The following ZNF596 variants were observed in gnomAD, a reference collection of about 807,000 sequenced individuals.
The protein encoded by ZNF596 is zinc finger protein 596.
ZNF596 carries 45 observed loss-of-function variants against 48.3 expected under a neutral mutation model. The observed-to-expected ratio is 0.93, with a 90% CI of 0.73 to 1.19. The LOEUF is 1.19. Among genes scored for constraint, ZNF596 ranks in the 50% most tolerant of loss-of-function variants. The probability of loss-of-function intolerance (pLI) is 0.00; values close to 1 mark genes in which losing one functional copy is unlikely to be tolerated. For missense variants in ZNF596, 848 were observed against 599.7 expected, an observed-to-expected ratio of 1.41 and a Z score of -4.32; for synonymous variants, 270 against 202.0, an observed-to-expected ratio of 1.34 and a Z score of -2.85.
rs1797067803 is a variant in ZNF596 at position 246,021 on chromosome 8, G to C, written c.1174G>C (p.Glu392Gln). The C allele has an allele frequency of 2.5e-6, 4 of 1,613,630 alleles. No homozygotes were observed. The highest frequency in any genetic ancestry group is 3.4e-6 in the Non-Finnish European group (4 of 1,179,902). ...AATTCACACTGGAGAGAAACCATAT[G>C]AGTGCCATGTATGTGGGAAAGCCTT... Reference protein sequence around the residue: ...ERIHTGEKPYECHVCGKAFTE... With the variant: ...ERIHTGEKPYQCHVCGKAFTE... The change falls in exon 6 of 6, where the codon GAG becomes CAG. Residue 392 changes from glutamate (E) to glutamine (Q), a missense_variant. Coordinates refer to ENST00000398612, the MANE Select transcript of ZNF596 (RefSeq NM_001042416.3).
chr8:232,444 ACCCAGCCACGCAGTT>A (rs1346303088), exon 1 of ZNF596: 3 of 251,128 alleles, frequency 1.2e-5, no homozygotes, highest in South Asian at 8.6e-5. Flanking sequence ...TTGTGGCCAA[ACCCAGCCACGCAGTT>A]CCCTTCCTGC....
At chr8:244,752 T>A in intron 5 of ZNF596, 51 bp downstream of exon 5, 2 of 1,492,106 alleles carry the variant, frequency 1.3e-6, no homozygotes, top group Non-Finnish European at 1.8e-6. Flanking sequence ...ACCTGGACAT[T>A]AAACAACTTT....
intron 1 of ZNF596, among the ~76,000 whole-genome samples, chr8:236,596 A>G (rs1368370989): frequency 6.6e-6 from 1 of 152,128 alleles, no homozygotes; most frequent in Non-Finnish European, 1.5e-5. Flanking sequence ...ATTTTTAAAG[A>G]TTTTATATTA....
intron 2 of ZNF596, among the ~76,000 whole-genome samples, chr8:241,967 T>C (rs1437830136): frequency 6.6e-6 from 1 of 152,156 alleles, no homozygotes; most frequent in Non-Finnish European, 1.5e-5. Context: ...TCTGAGATAT[T>C]ACTAGCATGA....
chr8:245,484 C>G lies in ZNF596; in HGVS notation c.637C>G (p.His213Asp), dbSNP rs1797031773. The change falls in exon 6 of 6, where the codon CAT (histidine) becomes GAT (aspartate). Residue 213 changes from histidine (H) to aspartate (D), a missense_variant. His to Asp is a moderately conservative substitution (Grantham distance 81). Coordinates refer to ENST00000398612, the MANE Select transcript of ZNF596 (RefSeq NM_001042416.3). Reference protein sequence around the residue: ...TFSKNSNLRRHEMIHTGEKPH... With the variant: ...TFSKNSNLRRDEMIHTGEKPH... Reference sequence around the variant, plus strand: ...TAGCAAAAATTCTAATCTTAGGCGACATGAGATGATTCACACTGGAGAGAA... The same window carrying G: ...TAGCAAAAATTCTAATCTTAGGCGAGATGAGATGATTCACACTGGAGAGAA... The G allele has an allele frequency of 2.5e-5, 41 of 1,614,182 alleles. No homozygotes were observed. Among genetic ancestry groups the G allele is most frequent in the Non-Finnish European group, 3.4e-5 (40 of 1,180,028 alleles).
chr8:240,679 G>C, intron 1 of ZNF596, 145 bp from the exon 2 acceptor site: 1 of 591,566 alleles, frequency 1.7e-6, no homozygotes, highest in Middle Eastern at 4.3e-4. Context: ...TTCTGACCCT[G>C]GGAGAGGAGA....
Position 246,449 on chromosome 8 carries a change from C to G in ZNF596, c.*87C>G, listed in dbSNP as rs1246769045. ...ATGTCTGTAATCAGTGTGGAAAAGC[C>G]TTTATTTATATTTACCACTTTGCTC... On this transcript the variant is annotated 3_prime_UTR_variant, in exon 6 of 6. Transcript: ENST00000398612. 6.8e-7 allele frequency: 1 copy of G among 1,474,646 alleles called. No individual in the cohort carries two copies. Among genetic ancestry groups the G allele is most frequent in the African/African-American group, 1.4e-5 (1 of 70,966 alleles). The allele number at this position is 1,474,646 out of a possible 1,614,324, so 91.3% of individuals were successfully genotyped here.
chr8:242,982 G>A lies in ZNF596; in HGVS notation c.108G>A (p.Met36Ile). 1.9e-6 allele frequency: 3 copies of A among 1,612,276 alleles called. No individual in the cohort carries two copies. Among genetic ancestry groups the A allele is most frequent in the Non-Finnish European group, 8.5e-7 (1 of 1,178,624 alleles). ...TSQRKLFQDV[M>I]LENISHLVSI... is the part of the protein sequence containing the mutation. ...AGAGAAAGCTGTTTCAAGATGTGAT[G>A]TTGGAGAACATCAGTCATCTGGTCT... Residue 36 changes from methionine (M) to isoleucine (I), a missense_variant, in exon 3 of 6, where the codon ATG becomes ATA. Physicochemically the swap from Met to Ile is conservative, Grantham distance 10. Transcript: ENST00000398612.
At chr8:234,006 C>G (rs1288524456) in intron 1 of ZNF596, among the ~76,000 whole-genome samples, 2 of 152,126 alleles carry the variant, frequency 1.3e-5, no homozygotes, top group East Asian at 3.8e-4. Flanking sequence ...CATAGTGACA[C>G]AAGGCAGTGG....
At position 246,411 on chromosome 8, in the gene ZNF596, C is replaced by T. The variant is rs750795160; in HGVS notation, c.*49C>T. The stretch of plus-strand genomic sequence containing the variant: ...ACTAAATACACCAAGGACAAACATA[C>T]TACAGGAATATTATGTCTGTAATCA... On this transcript the variant is annotated 3_prime_UTR_variant, in exon 6 of 6. Coordinates refer to ENST00000398612, the MANE Select transcript of ZNF596 (RefSeq NM_001042416.3). 1 of 1,522,362 alleles carries T rather than the reference C, an allele frequency of 6.6e-7. No individual in the cohort carries two copies. The highest frequency in any genetic ancestry group is 1.4e-5 in the African/African-American group (1 of 71,848). The allele number at this position is 1,522,362 out of a possible 1,614,324, so 94.3% of individuals were successfully genotyped here. A position where few individuals can be genotyped will look rare whatever the true frequency, so the allele number is the denominator to read the frequency against.
chr8:246,388 T>C lies in ZNF596; in HGVS notation c.*26T>C, dbSNP rs776496800. On this transcript the variant is annotated 3_prime_UTR_variant, in exon 6 of 6. Coordinates refer to ENST00000398612, the MANE Select transcript of ZNF596 (RefSeq NM_001042416.3). Reference sequence around the variant, plus strand: ...GAATCATCAGCTGTAGCGTTAACACTAAATACACCAAGGACAAACATACTA... The same window carrying C: ...GAATCATCAGCTGTAGCGTTAACACCAAATACACCAAGGACAAACATACTA... The C allele has an allele frequency of 1.3e-6, 2 of 1,542,828 alleles. No individual in the cohort carries two copies. The highest frequency in any genetic ancestry group is 8.7e-7 in the Non-Finnish European group (1 of 1,152,048).
At chr8:242,721 C>A (rs1796904142) in intron 2 of ZNF596, among the ~76,000 whole-genome samples, 166 bp from the exon 3 acceptor site, 1 of 152,136 alleles carries the variant, frequency 6.6e-6, no homozygotes, top group South Asian at 2.1e-4. Context: ...ATCTGAAAGC[C>A]AGATTCCCAG....
At position 245,416 on chromosome 8, in the gene ZNF596, C is replaced by T. The variant is rs142463909; in HGVS notation, c.569C>T (p.Thr190Ile). Residue 190 changes from threonine (T) to isoleucine (I), a missense_variant, in exon 6 of 6, where the codon ACT becomes ATT. By Grantham distance (89) the Thr-to-Ile change is moderately conservative (BLOSUM62 -1). Transcript: ENST00000398612. ...CTTAGACCACACAGTGTGACTCACA[C>T]TAGAGAGATAACATTGGAATGTCGT... ...SALRPHSVTHTREITLECRVC... is the reference protein window; with the variant it reads ...SALRPHSVTHIREITLECRVC... 8 of 1,614,052 alleles carry T rather than the reference C, an allele frequency of 5.0e-6. No individual in the cohort carries two copies. In the African/African-American group the frequency reaches 6.7e-5, roughly 13 times the overall value.
intron 1 of ZNF596, among the ~76,000 whole-genome samples, chr8:235,282 C>G (rs552354313): frequency 1.2e-4 from 18 of 152,322 alleles, no homozygotes; most frequent in African/African-American, 4.1e-4. Context: ...TGCTTACTAG[C>G]ACACTGACTG....
intron 1 of ZNF596, chr8:233,769 A>C (rs1283373266): frequency 6.6e-6 from 1 of 152,210 alleles, no homozygotes; most frequent in Admixed American, 6.5e-5. Context: ...TGATGACTTA[A>C]TGTGATGTTC....
At chr8:235,441 A>G (rs1392718840) in intron 1 of ZNF596, among the ~76,000 whole-genome samples, 1 of 152,024 alleles carries the variant, frequency 6.6e-6, no homozygotes, top group Non-Finnish European at 1.5e-5. Flanking sequence ...CATAAAGTTC[A>G]TCTACTACTT....
chr8:246,172 C>G lies in ZNF596; in HGVS notation c.1325C>G (p.Thr442Ser). 1 of 1,614,050 alleles carries G rather than the reference C, an allele frequency of 6.2e-7. No homozygotes were observed. Among genetic ancestry groups the G allele is most frequent in the Non-Finnish European group, 8.5e-7 (1 of 1,179,992 alleles). Residue 442 changes from threonine (T) to serine (S), a missense_variant, in exon 6 of 6, where the codon ACT becomes AGT. By Grantham distance (58) the Thr-to-Ser change is moderately conservative. Coordinates refer to ENST00000398612, the MANE Select transcript of ZNF596 (RefSeq NM_001042416.3). The part of the protein sequence containing the change: ...SVLRRHERTH[T>S]GEKPYECNIC... ...CTTAGACGACATGAGAGAACTCACA[C>G]TGGAGAGAAACCATATGAATGCAAT...
At position 245,138 on chromosome 8, in the gene ZNF596, T is replaced by G; in HGVS notation, c.307-16T>G. The stretch of plus-strand genomic sequence containing the variant: ...GATAAACCTTTAATAGTCTTTCATT[T>G]CATTCCCAAAACCAGAGATCTCATA... On this transcript the variant is annotated splice_polypyrimidine_tract_variant and intron_variant, in intron 5 of 5. Coordinates refer to ENST00000398612, the MANE Select transcript of ZNF596 (RefSeq NM_001042416.3). 6.4e-7 allele frequency: 1 copy of G among 1,553,878 alleles called. No homozygotes were observed. Among genetic ancestry groups the G allele is most frequent in the Non-Finnish European group, 8.7e-7 (1 of 1,154,160 alleles).
chr8:243,017 A>G lies in ZNF596; in HGVS notation c.139+4A>G, dbSNP rs890318609. 25 of 1,605,440 alleles carry G rather than the reference A, an allele frequency of 1.6e-5. No homozygotes were observed. Among genetic ancestry groups the G allele is most frequent in the Non-Finnish European group, 2.1e-5 (25 of 1,174,314 alleles). On this transcript the variant is annotated splice_donor_region_variant and intron_variant, in intron 3 of 5. Transcript: ENST00000398612. Reference sequence around the variant, plus strand: ...ATCAGTCATCTGGTCTCTATTGGTGAGTCTCTTTATATTTATTATGTATGT... The same window carrying G: ...ATCAGTCATCTGGTCTCTATTGGTGGGTCTCTTTATATTTATTATGTATGT...
Sources: allele counts gnomAD v4.1 joint callset (sites outside exome capture counted in the v4.1 genomes callset), GRCh38; gene constraint gnomAD v4.1.1; transcripts MANE v1.5; gene names NCBI Gene and HGNC (gene_info 2026-07-23, HGNC 2026-07-21).